ACOXL: variants seen among roughly 807,000 people sequenced by gnomAD.
ACOXL encodes the protein acyl-coenzyme A oxidase-like protein.
In ACOXL, 70 loss-of-function variants were observed where a neutral mutation model predicts 71.9. The observed-to-expected ratio is 0.97, with a 90% CI of 0.80 to 1.19. The LOEUF is 1.19. Ranked by LOEUF, ACOXL falls within the 50% of genes most tolerant of loss-of-function variation. ACOXL has a pLI of 0.00. For synonymous variants in ACOXL, 253 were observed against 281.6 expected (o/e 0.90, Z 1.02); for missense variants, 703 against 736.3 (o/e 0.95, Z 0.52).
At chr2:110,849,020 C>T (rs150013309) in intron 10 of ACOXL, among the ~76,000 whole-genome samples, 245 of 152,322 alleles carry the variant, frequency 1.6e-3, no homozygotes, top group African/African-American at 5.7e-3. Flanking sequence ...CCTTGTCTCT[C>T]GCCGACCAGT....
intron 1 of ACOXL, among the ~76,000 whole-genome samples, chr2:110,765,167 C>T (rs1157278584): frequency 6.6e-6 from 1 of 152,174 alleles, no homozygotes; most frequent in African/African-American, 2.4e-5. Flanking sequence ...TGGTTTTCCC[C>T]TATAAGTAAC....
chr2:110,964,655 C>T (rs542755404), intron 12 of ACOXL, among the ~76,000 whole-genome samples: 38 of 152,314 alleles, frequency 2.5e-4, no homozygotes, highest in African/African-American at 8.9e-4. Context: ...GTACTGAATA[C>T]CATAGGCTAC....
intron 10 of ACOXL, among the ~76,000 whole-genome samples, chr2:110,876,582 C>G (rs923257886): frequency 6.6e-6 from 1 of 152,192 alleles, no homozygotes; most frequent in Non-Finnish European, 1.5e-5. Flanking sequence ...TTCTGTGGCT[C>G]GTGGCTGACA....
intron 11 of ACOXL, among the ~76,000 whole-genome samples, chr2:110,914,886 T>C (rs1293038847): frequency 6.6e-6 from 1 of 152,174 alleles, no homozygotes; most frequent in Non-Finnish European, 1.5e-5. Flanking sequence ...ACATTGCCGG[T>C]ATTATATTTA....
chr2:110,773,115 C>T (rs1231067259), intron 2 of ACOXL, among the ~76,000 whole-genome samples: 2 of 152,172 alleles, frequency 1.3e-5, no homozygotes, highest in Non-Finnish European at 2.9e-5. Context: ...TCTCAGGAAG[C>T]TCAGTCTCAG....
chr2:110,749,298 A>G (rs1678622696), intron 1 of ACOXL, among the ~76,000 whole-genome samples: 1 of 152,198 alleles, frequency 6.6e-6, no homozygotes, highest in East Asian at 1.9e-4. Flanking sequence ...CCTTCTTTTT[A>G]AAATAAACTT....
At chr2:111,077,311 A>G (rs1473152143) in intron 16 of ACOXL, among the ~76,000 whole-genome samples, 1 of 152,180 alleles carries the variant, frequency 6.6e-6, no homozygotes, top group Non-Finnish European at 1.5e-5. Context: ...TATCTCTTCA[A>G]GTGGAATGTA....
chr2:111,068,243 T>A (rs1371261787), intron 16 of ACOXL, among the ~76,000 whole-genome samples: 9 of 152,074 alleles, frequency 5.9e-5, no homozygotes, highest in Non-Finnish European at 1.2e-4. Flanking sequence ...GCAGCAGTCA[T>A]TAGGTGAAGA....
At chr2:110,762,818 G>C (rs1680575546) in intron 1 of ACOXL, among the ~76,000 whole-genome samples, 1 of 151,946 alleles carries the variant, frequency 6.6e-6, no homozygotes, top group Non-Finnish European at 1.5e-5. Context: ...ACCACATCCA[G>C]GTAATTTTTT....
At chr2:111,013,876 C>T (rs941128137) in intron 14 of ACOXL, among the ~76,000 whole-genome samples, 1 of 151,986 alleles carries the variant, frequency 6.6e-6, no homozygotes, top group African/African-American at 2.4e-5. Context: ...GGTGAAAATA[C>T]ATAATAGAAT....
chr2:110,833,024 T>G (rs1239205875), intron 9 of ACOXL, among the ~76,000 whole-genome samples: 2 of 152,216 alleles, frequency 1.3e-5, no homozygotes, highest in African/African-American at 4.8e-5. Context: ...CTTATAAAAC[T>G]AAATATGCAA....
At chr2:110,896,309 G>T (rs1039555514) in intron 10 of ACOXL, among the ~76,000 whole-genome samples, 4 of 152,014 alleles carry the variant, frequency 2.6e-5, no homozygotes, top group African/African-American at 9.7e-5. Flanking sequence ...CTAAAGAAAG[G>T]CAAGAAAAAT....
chr2:110,996,969 C>T (rs576687886), intron 14 of ACOXL, among the ~76,000 whole-genome samples: 1 of 151,994 alleles, frequency 6.6e-6, no homozygotes, highest in African/African-American at 2.4e-5. Context: ...TTCCCCCAGG[C>T]GTAGATCTGA....
chr2:110,824,387 T>C (rs978484588), intron 9 of ACOXL, among the ~76,000 whole-genome samples: 1 of 152,216 alleles, frequency 6.6e-6, no homozygotes, highest in Admixed American at 6.5e-5. Flanking sequence ...ATCTAGAAAA[T>C]AACTTGGTGG....
At chr2:111,036,107 A>G (rs771754435) in intron 15 of ACOXL, among the ~76,000 whole-genome samples, 4 of 152,242 alleles carry the variant, frequency 2.6e-5, no homozygotes, top group Non-Finnish European at 5.9e-5. Flanking sequence ...GGGTAGAACC[A>G]GAAGTTGTAA....
In ACOXL at chr2:111,048,765, C is replaced by G. The variant is rs12614702; in HGVS notation, c.1370-453C>G. 1.8e-3 allele frequency among the ~76,000 whole-genome samples: 277 copies of G among 151,782 alleles called. 8 individuals are homozygous for G. The East Asian group carries it at 0.045, about 25-fold the overall frequency. On this transcript the variant is annotated intron_variant, in intron 15 of 17. Coordinates refer to ENST00000439055, the MANE Select transcript of ACOXL (RefSeq NM_001142807.4). Reference sequence around the variant, plus strand: ...TTGGGGGAGTTTGTGGGGTTTGAGTCAACACTTGGGGCCATACACCAAGAG... The same window carrying G: ...TTGGGGGAGTTTGTGGGGTTTGAGTGAACACTTGGGGCCATACACCAAGAG...
intron 10 of ACOXL, among the ~76,000 whole-genome samples, chr2:110,875,777 C>T (rs1695823722): frequency 6.6e-6 from 1 of 152,108 alleles, no homozygotes; most frequent in African/African-American, 2.4e-5. Flanking sequence ...CCTCATTTGT[C>T]AAATGAGGAT....
intron 17 of ACOXL, chr2:111,093,355 T>C (rs940149622): frequency 1.7e-6 from 2 of 1,143,870 alleles, no homozygotes; most frequent in South Asian, 1.6e-5. Context: ...GGGAATTCAA[T>C]ACAATAGCTA....
rs537314692 is a variant in ACOXL, at chr2:110,919,332, C to T, written c.905+10427C>T. Reference sequence around the variant, plus strand: ...CAGAAAACCAAACACCACATGTTCTCGCTCATAAGTGGGAGCTGAACAATG... The same window carrying T: ...CAGAAAACCAAACACCACATGTTCTTGCTCATAAGTGGGAGCTGAACAATG... On this transcript the variant is annotated intron_variant, in intron 11 of 17. Coordinates refer to ENST00000439055, the MANE Select transcript of ACOXL (RefSeq NM_001142807.4). Among the ~76,000 whole-genome samples, 21 of 149,064 alleles carry T rather than the reference C, an allele frequency of 1.4e-4. No homozygotes were observed. In the South Asian group the frequency reaches 2.6e-3, roughly 19 times the overall value.
Sources: allele counts gnomAD v4.1 joint callset (sites outside exome capture counted in the v4.1 genomes callset), GRCh38; gene constraint gnomAD v4.1.1; transcripts MANE v1.5; gene names NCBI Gene and HGNC (gene_info 2026-07-23, HGNC 2026-07-21).